Variants in SEC24B observed in about 807,000 individuals in gnomAD.
SEC24B encodes SEC24 homolog B, COPII component, also known as protein transport protein Sec24B.
In SEC24B, 45 loss-of-function variants were observed where a neutral mutation model predicts 142.8. The ratio of observed to expected loss-of-function variants is 0.32; its 90% CI spans 0.25 to 0.40. SEC24B has a LOEUF of 0.40. Ranked by LOEUF, SEC24B falls within the 10% of genes least tolerant of loss-of-function variation. The pLI is 1.00. For synonymous variants in SEC24B, 574 were observed against 568.2 expected, an observed-to-expected ratio of 1.01 and a Z score of -0.15; for missense variants, 1,409 against 1,526.8, an observed-to-expected ratio of 0.92 and a Z score of 1.29.
chr4:109,485,286 C>T (rs545575302), intron 4 of SEC24B, among the ~76,000 whole-genome samples: 28 of 152,232 alleles, frequency 1.8e-4, no homozygotes, highest in Admixed American at 4.6e-4. Context: ...CTCTATTTTA[C>T]AGATGAATTA....
chr4:109,476,808 A>T (rs1159593960), intron 3 of SEC24B, among the ~76,000 whole-genome samples: 3 of 152,178 alleles, frequency 2.0e-5, no homozygotes, highest in Non-Finnish European at 4.4e-5. Flanking sequence ...AAGTGAGGAA[A>T]TTTAAATTTA....
chr4:109,537,178 A>G (rs1474669581), intron 22 of SEC24B, among the ~76,000 whole-genome samples: 1 of 100,710 alleles, frequency 9.9e-6, no homozygotes, highest in Non-Finnish European at 2.1e-5. Context: ...CATAATTAGG[A>G]AAAAAAATAG....
chr4:109,504,867 T>C (rs989585765), intron 6 of SEC24B, among the ~76,000 whole-genome samples: 2 of 152,164 alleles, frequency 1.3e-5, no homozygotes, highest in Non-Finnish European at 2.9e-5. Context: ...TATCCATATA[T>C]TAGCTGGAAT....
At chr4:109,502,912 G>T (rs1050315635) in intron 6 of SEC24B, among the ~76,000 whole-genome samples, 4 of 151,904 alleles carry the variant, frequency 2.6e-5, no homozygotes, top group Admixed American at 1.3e-4. Flanking sequence ...CACCATTGTT[G>T]TGTGTGTCTG....
chr4:109,519,794 G>C (rs1337883185), intron 11 of SEC24B, among the ~76,000 whole-genome samples: 1 of 152,022 alleles, frequency 6.6e-6, no homozygotes, highest in Non-Finnish European at 1.5e-5. Context: ...ATTCTATTTT[G>C]GCATCCTGTA....
intron 2 of SEC24B, among the ~76,000 whole-genome samples, chr4:109,467,075 C>T (rs1731979320): frequency 6.6e-6 from 1 of 151,212 alleles, no homozygotes; most frequent in South Asian, 2.1e-4. Flanking sequence ...GCCTGTAATC[C>T]CAGCACTTTG....
In SEC24B at chr4:109,535,851, C is replaced by CAAAAAAA. The variant is rs70954160; in HGVS notation, c.3588+2169_3588+2175dup. 3.5e-4 allele frequency among the ~76,000 whole-genome samples: 53 copies of CAAAAAAA among 150,288 alleles called. 1 individual carries two copies. The highest frequency in any genetic ancestry group is 8.1e-4 in the African/African-American group (33 of 40,820). On this transcript the variant is annotated intron_variant, in intron 22 of 23. Coordinates refer to ENST00000265175, the MANE Select transcript of SEC24B (RefSeq NM_006323.5). ...TGGGTGACAGAGCAAGACTCCGTCT[C>CAAAAAAA]AAAAAAAAAGTTACTTTGCTTATAC...
chr4:109,528,858 T>G lies in SEC24B; in HGVS notation c.3076+1426T>G, dbSNP rs1578995799. ...CATTTACCGAAGGATCCAAATTTTTTTAAATAACAGAAGCATTTAATCAGT... is the reference window on the plus strand; with the variant it reads ...CATTTACCGAAGGATCCAAATTTTTGTAAATAACAGAAGCATTTAATCAGT... On this transcript the variant is annotated intron_variant, in intron 18 of 23. Coordinates refer to ENST00000265175, the MANE Select transcript of SEC24B (RefSeq NM_006323.5). 2.0e-5 allele frequency among the ~76,000 whole-genome samples: 3 copies of G among 152,224 alleles called. No homozygotes were observed. The East Asian group carries it at 5.8e-4, about 29-fold the overall frequency.
chr4:109,503,518 C>G (rs928539041), intron 6 of SEC24B, among the ~76,000 whole-genome samples: 3 of 152,270 alleles, frequency 2.0e-5, no homozygotes, highest in African/African-American at 7.2e-5. Context: ...GCCACTGTGC[C>G]CCGCCTAATT....
At chr4:109,471,963 G>C (rs1011313645) in intron 2 of SEC24B, among the ~76,000 whole-genome samples, 5 of 152,146 alleles carry the variant, frequency 3.3e-5, no homozygotes, top group African/African-American at 9.7e-5. Flanking sequence ...AAAATATTGT[G>C]ATGATGTTTT....
chr4:109,452,491 A>G (rs1481523868), intron 1 of SEC24B, among the ~76,000 whole-genome samples: 1 of 152,192 alleles, frequency 6.6e-6, no homozygotes, highest in African/African-American at 2.4e-5. Flanking sequence ...TTTATAACAA[A>G]TTGCCAGATT....
chr4:109,454,446 G>A (rs1288970421), intron 1 of SEC24B, among the ~76,000 whole-genome samples: 1 of 151,860 alleles, frequency 6.6e-6, no homozygotes, highest in Non-Finnish European at 1.5e-5. Flanking sequence ...AAGTAAGGCA[G>A]GAGAATCACT....
chr4:109,471,842 G>C (rs1192534011), intron 2 of SEC24B, among the ~76,000 whole-genome samples: 1 of 152,114 alleles, frequency 6.6e-6, no homozygotes. Context: ...CTTGAGGTCT[G>C]GGACTTGTAC....
intron 3 of SEC24B, among the ~76,000 whole-genome samples, chr4:109,477,514 TGA>T (rs142601042): frequency 0.012 from 1,775 of 151,984 alleles, 10 homozygotes; most frequent in Admixed American, 0.018. Flanking sequence ...TTTGTAGAGA[TGA>T]GGTCTTACAG....
Position 109,473,202 on chromosome 4 carries a change from A to G in SEC24B, c.1060+16A>G. The G allele has an allele frequency of 1.3e-6, 2 of 1,512,388 alleles. No individual in the cohort carries two copies. The highest frequency in any genetic ancestry group is 8.9e-7 in the Non-Finnish European group (1 of 1,119,572). 93.7% of individuals were successfully genotyped at this position (1,512,388 alleles called of 1,614,324 possible). A position where few individuals can be genotyped will look rare whatever the true frequency, so the allele number is the denominator to read the frequency against. On this transcript the variant is annotated intron_variant, in intron 3 of 23. Transcript: ENST00000265175. ...CAACAAAAAGGTATTTGAGATATTT[A>G]TTATTGTATATGCACACAGACACAC...
At chr4:109,492,220 C>T (rs10030694) in intron 5 of SEC24B, among the ~76,000 whole-genome samples, 16,772 of 150,050 alleles carry the variant, frequency 0.11, 3,075 homozygotes, top group African/African-American at 0.38. Flanking sequence ...CTAATCTTTT[C>T]AGCTCAGTAT....
At chr4:109,525,002 C>A in intron 15 of SEC24B, 61 bp downstream of exon 15, 1 of 1,428,536 alleles carries the variant, frequency 7.0e-7, no homozygotes, top group Non-Finnish European at 9.6e-7. Flanking sequence ...ATAATTAAAT[C>A]TAAACTCTTC....
Position 109,463,452 on chromosome 4 carries a change from G to C in SEC24B, c.685G>C (p.Gly229Arg). The part of the protein sequence containing the change: ...VRPVKDNSFS[G>R]QNTAISHPSP... ...GCCAGTTAAAGATAATTCATTCTCT[G>C]GTCAAAATACAGCTATCAGCCATCC... The change falls in exon 2 of 24, where the codon GGT (glycine) becomes CGT (arginine). Residue 229 changes from glycine (G) to arginine (R), a missense_variant. By Grantham distance (125) the Gly-to-Arg change is moderately radical. Around this residue, in one of 2 missense-constraint regions of SEC24B, gnomAD observed 709 missense variants for 673.5 expected, o/e 1.05. Transcript: ENST00000265175. 6.2e-7 allele frequency: 1 copy of C among 1,614,108 alleles called. No homozygotes were observed. Among genetic ancestry groups the C allele is most frequent in the Non-Finnish European group, 8.5e-7 (1 of 1,180,034 alleles).
chr4:109,502,726 T>C (rs1217578785), intron 6 of SEC24B, among the ~76,000 whole-genome samples: 1 of 152,222 alleles, frequency 6.6e-6, no homozygotes, highest in Non-Finnish European at 1.5e-5. Context: ...GATCAGTGGT[T>C]GTTGGTCAAG....
Sources: allele counts gnomAD v4.1 joint callset (sites outside exome capture counted in the v4.1 genomes callset), GRCh38; gene constraint gnomAD v4.1.1; regional missense constraint gnomAD v4.1.1; transcripts MANE v1.5; gene names NCBI Gene and HGNC (gene_info 2026-07-23, HGNC 2026-07-21).